UGT1A6: variants seen among roughly 807,000 people sequenced by gnomAD.
The protein encoded by UGT1A6 is UDP glucuronosyltransferase family 1 member A6.
In UGT1A6, 32 loss-of-function variants were observed where a neutral mutation model predicts 44.4. The ratio of observed to expected loss-of-function variants is 0.72; its 90% CI spans 0.54 to 0.97. The LOEUF is 0.97. UGT1A6 is among the 50% of genes least tolerant of loss of function. UGT1A6 has a pLI of 0.00. For missense variants in UGT1A6, 685 were observed against 661.9 expected, an observed-to-expected ratio of 1.03 and a Z score of -0.38; for synonymous variants, 238 against 248.5, an observed-to-expected ratio of 0.96 and a Z score of 0.40.
chr2:233,694,000 G>C, intron 1 of UGT1A6, 135 bp downstream of exon 1: 3 of 1,484,472 alleles, frequency 2.0e-6, no homozygotes, highest in Non-Finnish European at 2.7e-6. Context: ...TACCCGGCTC[G>C]GAGCAGCGGG....
intron 1 of UGT1A6, among the ~76,000 whole-genome samples, chr2:233,738,129 C>A (rs546300449): frequency 1.3e-3 from 203 of 152,182 alleles, no homozygotes; most frequent in African/African-American, 4.7e-3. Flanking sequence ...TATAAGGGGC[C>A]CTTATCCCTT....
intron 1 of UGT1A6, among the ~76,000 whole-genome samples, chr2:233,718,526 C>T (rs942579588): frequency 5.3e-5 from 8 of 152,144 alleles, no homozygotes; most frequent in Non-Finnish European, 1.2e-4. Flanking sequence ...GTGTCCACAG[C>T]CTTGTGTTGG....
intron 1 of UGT1A6, chr2:233,755,289 T>C (rs1695843329): frequency 6.1e-6 from 4 of 651,342 alleles, no homozygotes; most frequent in Non-Finnish European, 9.5e-6. Context: ...CCAAAGAGCC[T>C]GCGGGGCACT....
At chr2:233,772,152 T>C (rs1386097688) in intron 4 of UGT1A6, 110 bp from the exon 5 acceptor site, 1 of 1,556,926 alleles carries the variant, frequency 6.4e-7, no homozygotes, top group African/African-American at 1.4e-5. Flanking sequence ...ACAGGTTTCC[T>C]TTCCCAAGTT....
chr2:233,743,460 A>AC, intron 1 of UGT1A6: 1 of 1,365,926 alleles, frequency 7.3e-7, no homozygotes. Context: ...AAGAAAAAAC[A>AC]CCCCCAAAAG....
chr2:233,748,539 G>A (rs1278710171), intron 1 of UGT1A6, among the ~76,000 whole-genome samples: 3 of 151,838 alleles, frequency 2.0e-5, no homozygotes, highest in Non-Finnish European at 2.9e-5. Context: ...GGTGACCACA[G>A]GAGACCTAAG....
intron 4 of UGT1A6, chr2:233,771,165 A>T (rs927521180): frequency 6.6e-6 from 1 of 152,234 alleles, no homozygotes; most frequent in African/African-American, 2.4e-5. Context: ...CATCTCCAGC[A>T]CTGGGGATTA....
intron 1 of UGT1A6, among the ~76,000 whole-genome samples, chr2:233,762,527 A>C (rs1575790124): frequency 4.6e-5 from 7 of 152,228 alleles, no homozygotes; most frequent in Admixed American, 3.9e-4. Context: ...ATTTCATGGT[A>C]CTTGTGTACC....
intron 1 of UGT1A6, among the ~76,000 whole-genome samples, chr2:233,739,983 A>G (rs28900077): frequency 6.6e-6 from 1 of 151,864 alleles, no homozygotes; most frequent in Non-Finnish European, 1.5e-5. Context: ...AGTTTTCCCC[A>G]TGCTGTTCTT....
chr2:233,743,661 G>T, intron 1 of UGT1A6: 1 of 1,367,236 alleles, frequency 7.3e-7, no homozygotes, highest in Non-Finnish European at 9.8e-7. Flanking sequence ...TACTCGAAGG[G>T]GTCCTCGAAG....
chr2:233,719,741 A>C, intron 1 of UGT1A6: 1 of 1,613,136 alleles, frequency 6.2e-7, no homozygotes, highest in Middle Eastern at 1.9e-4. Flanking sequence ...ACTTTTTAAA[A>C]AATGTATTTA....
At chr2:233,735,191 G>T (rs1286482210) in intron 1 of UGT1A6, among the ~76,000 whole-genome samples, 1 of 150,050 alleles carries the variant, frequency 6.7e-6, no homozygotes, top group African/African-American at 2.5e-5. Flanking sequence ...TATGAATCTA[G>T]GTGCTCCTGT....
chr2:233,733,236 C>T (rs982888781), intron 1 of UGT1A6, among the ~76,000 whole-genome samples: 9 of 152,278 alleles, frequency 5.9e-5, no homozygotes, highest in African/African-American at 2.2e-4. Context: ...TCTAAATATA[C>T]AATCATGTCA....
chr2:233,766,281 G>A (rs1699102730), intron 1 of UGT1A6, among the ~76,000 whole-genome samples: 1 of 151,840 alleles, frequency 6.6e-6, no homozygotes. Context: ...GGTGGCCCGG[G>A]CTCGGTGGCC....
chr2:233,772,283 C>T lies in UGT1A6; in HGVS notation c.1323C>T (p.Arg441=), dbSNP rs1700499600. Residue 441 remains arginine, a synonymous_variant, in exon 5 of 5, where the codon CGC becomes CGT. Coordinates refer to ENST00000305139, the MANE Select transcript of UGT1A6 (RefSeq NM_001072.4). ...TTAGTTACAAGGAGAACATCATGCG[C>T]CTCTCCAGCCTTCACAAGGACCGCC... is the stretch of plus-strand genomic sequence containing the variant. ...NDKSYKENIM[R]LSSLHKDRPV... 1 of 1,614,232 alleles carries T rather than the reference C, an allele frequency of 6.2e-7. No homozygotes were observed. The highest frequency in any genetic ancestry group is 8.5e-7 in the Non-Finnish European group (1 of 1,180,050).
chr2:233,745,133 G>A (rs1291736176), intron 1 of UGT1A6, among the ~76,000 whole-genome samples: 1 of 151,810 alleles, frequency 6.6e-6, no homozygotes, highest in East Asian at 1.9e-4. Flanking sequence ...CTGCAGATGT[G>A]AAGCCCAAGT....
chr2:233,721,860 C>T (rs2076977030), intron 1 of UGT1A6: 1 of 507,874 alleles, frequency 2.0e-6, no homozygotes, highest in Non-Finnish European at 3.9e-6. Flanking sequence ...ACTGCTCGGC[C>T]CTGGGCACAC....
chr2:233,715,167 C>T (rs767247099), intron 1 of UGT1A6, among the ~76,000 whole-genome samples: 6 of 152,042 alleles, frequency 3.9e-5, no homozygotes, highest in Non-Finnish European at 7.4e-5. Flanking sequence ...ATTACAGGCG[C>T]GAGCCACCAC....
chr2:233,729,808 T>A, intron 1 of UGT1A6: 1 of 1,613,986 alleles, frequency 6.2e-7, no homozygotes, highest in Non-Finnish European at 8.5e-7. Context: ...CCATGCTTTT[T>A]CTGCTCCTTA....
Sources: allele counts gnomAD v4.1 joint callset (sites outside exome capture counted in the v4.1 genomes callset), GRCh38; gene constraint gnomAD v4.1.1; transcripts MANE v1.5; gene names NCBI Gene and HGNC (gene_info 2026-07-23, HGNC 2026-07-21).